USP48: variants seen among roughly 807,000 people sequenced by gnomAD.
USP48 encodes the protein ubiquitin specific peptidase 48.
Under a neutral mutation model 150.7 loss-of-function variants are expected in USP48, and 43 were observed. That is an observed-to-expected ratio of 0.29 (90% CI 0.22 to 0.37). The LOEUF is 0.37. Among genes scored for constraint, USP48 ranks in the 10% least tolerant of loss-of-function variants. The probability of loss-of-function intolerance (pLI) is 1.00; values close to 1 mark genes in which losing one functional copy is unlikely to be tolerated. For synonymous variants in USP48, 396 were observed against 425.9 expected (o/e 0.93, Z 0.86); for missense variants, 813 against 1,249.6 (o/e 0.65, Z 5.27).
At chr1:21,736,861 C>T (rs541484395) in intron 8 of USP48, among the ~76,000 whole-genome samples, 17 of 152,262 alleles carry the variant, frequency 1.1e-4, no homozygotes, top group Middle Eastern at 3.4e-3. Flanking sequence ...GCAAAATACA[C>T]GGATGAAAAA....
intron 25 of USP48, among the ~76,000 whole-genome samples, chr1:21,685,393 C>T (rs1384916179): frequency 2.0e-5 from 3 of 150,160 alleles, no homozygotes; most frequent in Non-Finnish European, 2.9e-5. Context: ...GCGATCTTGG[C>T]TCACTGCATC....
intron 9 of USP48, among the ~76,000 whole-genome samples, chr1:21,731,054 T>G (rs1276596476): frequency 6.6e-6 from 1 of 151,850 alleles, no homozygotes; most frequent in African/African-American, 2.4e-5. Flanking sequence ...CCACTGCACC[T>G]GGCTGAAATA....
chr1:21,714,249 A>T (rs1368761473), intron 15 of USP48, among the ~76,000 whole-genome samples: 1 of 152,164 alleles, frequency 6.6e-6, no homozygotes, highest in Non-Finnish European at 1.5e-5. Context: ...CTGACAAGCC[A>T]ACTTTTCTGT....
intron 8 of USP48, among the ~76,000 whole-genome samples, chr1:21,743,182 A>C (rs1490779222): frequency 6.6e-6 from 1 of 152,066 alleles, no homozygotes; most frequent in Non-Finnish European, 1.5e-5. Context: ...GGTAAGGAAG[A>C]GGGGAAGAGA....
chr1:21,754,300 T>C (rs1195522075), intron 3 of USP48, among the ~76,000 whole-genome samples: 4 of 152,150 alleles, frequency 2.6e-5, no homozygotes, highest in African/African-American at 4.8e-5. Flanking sequence ...CTACAGTGTC[T>C]AGTCATGATT....
At chr1:21,724,157 A>T in intron 11 of USP48, 62 bp from the exon 12 acceptor site, 1 of 1,484,060 alleles carries the variant, frequency 6.7e-7, no homozygotes. Flanking sequence ...TAAGTGATAC[A>T]TTCATTTTTC....
chr1:21,730,480 G>A (rs1455802616), intron 9 of USP48, among the ~76,000 whole-genome samples: 1 of 151,528 alleles, frequency 6.6e-6, no homozygotes, highest in Non-Finnish European at 1.5e-5. Context: ...AATAAAAACA[G>A]GCCAGGTGCG....
chr1:21,727,127 A>C (rs1319667472), intron 11 of USP48, among the ~76,000 whole-genome samples: 1 of 152,184 alleles, frequency 6.6e-6, no homozygotes, highest in African/African-American at 2.4e-5. Flanking sequence ...TGAGGCTTAG[A>C]TTTTAGGGTA....
At chr1:21,737,141 C>G (rs138426220) in intron 8 of USP48, among the ~76,000 whole-genome samples, 35 of 152,254 alleles carry the variant, frequency 2.3e-4, no homozygotes, top group African/African-American at 8.2e-4. Context: ...TGTCCAAGGG[C>G]ACAAACTTTG....
At position 21,721,642 on chromosome 1, in the gene USP48, C is replaced by A; in HGVS notation, c.1763+8G>T. 1.3e-6 allele frequency: 2 copies of A among 1,546,384 alleles called. No homozygotes were observed. Among genetic ancestry groups the A allele is most frequent in the Non-Finnish European group, 1.8e-6 (2 of 1,129,976 alleles). Reference sequence around the variant, plus strand: ...TTTATCATTAACAATGTACACTGTGCAACATACCCCTTTACTGCTGCTTTC... The same window carrying A: ...TTTATCATTAACAATGTACACTGTGAAACATACCCCTTTACTGCTGCTTTC... On this transcript the variant is annotated splice_region_variant and intron_variant, in intron 13 of 26. Coordinates refer to ENST00000308271, the MANE Select transcript of USP48 (RefSeq NM_032236.8).
intron 25 of USP48, chr1:21,686,975 T>G: frequency 1.8e-6 from 1 of 564,790 alleles, no homozygotes; most frequent in Non-Finnish European, 3.1e-6. Flanking sequence ...AGAGCTCACA[T>G]TTATTTCAGT....
chr1:21,693,682 T>A (rs1335439091), intron 23 of USP48, among the ~76,000 whole-genome samples: 1 of 152,204 alleles, frequency 6.6e-6, no homozygotes, highest in Non-Finnish European at 1.5e-5. Flanking sequence ...TTTCTGTAAT[T>A]TAAAGGTTTT....
chr1:21,735,521 C>A (rs1236452600), intron 9 of USP48, among the ~76,000 whole-genome samples: 1 of 152,196 alleles, frequency 6.6e-6, no homozygotes, highest in East Asian at 1.9e-4. Flanking sequence ...GAGTTCAAGG[C>A]AGGCAGATCA....
chr1:21,688,672 T>C (rs1266253843), intron 24 of USP48, among the ~76,000 whole-genome samples: 1 of 150,888 alleles, frequency 6.6e-6, no homozygotes, highest in East Asian at 2.0e-4. Flanking sequence ...TGAAACCCTG[T>C]CTCTACTAAA....
intron 14 of USP48, among the ~76,000 whole-genome samples, chr1:21,718,952 ACAAT>A: frequency 6.6e-6 from 1 of 152,166 alleles, no homozygotes; most frequent in African/African-American, 2.4e-5. Context: ...ATTATATAGC[ACAAT>A]AAAACATTTT....
chr1:21,765,223 G>A (rs1009223690), intron 1 of USP48, among the ~76,000 whole-genome samples: 2 of 152,164 alleles, frequency 1.3e-5, no homozygotes, highest in Admixed American at 6.5e-5. Context: ...GAACACCAAC[G>A]TGTTAGGCAG....
At chr1:21,777,560 G>C (rs1321841203) in intron 1 of USP48, among the ~76,000 whole-genome samples, 1 of 151,976 alleles carries the variant, frequency 6.6e-6, no homozygotes, top group Non-Finnish European at 1.5e-5. Flanking sequence ...GTACCTACTG[G>C]GGATGTTGAG....
rs2097558990 is a variant in USP48, at chr1:21,679,331, T to TAAA, written c.*83_*85dup. The TAAA allele has an allele frequency of 1.3e-6, 2 of 1,561,056 alleles. No homozygotes were observed. The highest frequency in any genetic ancestry group is 2.7e-5 in the African/African-American group (2 of 73,772). ...AAGGGGCATGTAATGGTTTAATTCTTAAATCCACCTTTGCTTTAATGCCCT... is the reference window on the plus strand; with the variant it reads ...AAGGGGCATGTAATGGTTTAATTCTTAAAAAATCCACCTTTGCTTTAATGCCCT... On this transcript the variant is annotated 3_prime_UTR_variant, in exon 27 of 27. Transcript: ENST00000308271.
At chr1:21,719,356 A>G (rs1362785534) in intron 14 of USP48, among the ~76,000 whole-genome samples, 1 of 152,136 alleles carries the variant, frequency 6.6e-6, no homozygotes, top group Non-Finnish European at 1.5e-5. Context: ...AATGTTAATC[A>G]CAGCTCAAAG....
Sources: allele counts gnomAD v4.1 joint callset (sites outside exome capture counted in the v4.1 genomes callset), GRCh38; gene constraint gnomAD v4.1.1; transcripts MANE v1.5; gene names NCBI Gene and HGNC (gene_info 2026-07-23, HGNC 2026-07-21).